ARFGEF1: variants seen among roughly 807,000 people sequenced by gnomAD.
The protein encoded by ARFGEF1 is brefeldin A-inhibited guanine nucleotide-exchange protein 1.
In ARFGEF1, 42 loss-of-function variants were observed where a neutral mutation model predicts 231.0. The observed-to-expected ratio is 0.18, with a 90% CI of 0.14 to 0.24. The LOEUF is 0.24. Among genes scored for constraint, ARFGEF1 ranks in the 10% least tolerant of loss-of-function variants. The pLI is 1.00. For synonymous variants in ARFGEF1, 710 were observed against 732.3 expected (o/e 0.97, Z 0.49); for missense variants, 1,345 against 2,192.0 (o/e 0.61, Z 7.72).
chr8:67,221,682 T>C (rs1410438902), intron 29 of ARFGEF1, among the ~76,000 whole-genome samples: 1 of 152,142 alleles, frequency 6.6e-6, no homozygotes, highest in Non-Finnish European at 1.5e-5. Context: ...AAATTTAAAG[T>C]AGCCTAAGTT....
intron 1 of ARFGEF1, among the ~76,000 whole-genome samples, chr8:67,318,105 C>T (rs371275173): frequency 1.3e-5 from 2 of 151,374 alleles, no homozygotes; most frequent in Non-Finnish European, 2.9e-5. Flanking sequence ...GGCGTGGTGG[C>T]GGGCGCCTAT....
chr8:67,191,507 C>T (rs1173830817), intron 5 of ARFGEF1, among the ~76,000 whole-genome samples: 1 of 152,178 alleles, frequency 6.6e-6, no homozygotes, highest in Non-Finnish European at 1.5e-5. Context: ...CTTTTCTGGA[C>T]ATTTCGTATA....
Position 67,226,061 on chromosome 8 carries a change from T to C in ARFGEF1, c.4039A>G (p.Ile1347Val), listed in dbSNP as rs1839361525. 1 of 1,612,722 alleles carries C rather than the reference T, an allele frequency of 6.2e-7. No homozygotes were observed. Among genetic ancestry groups the C allele is most frequent in the African/African-American group, 1.3e-5 (1 of 74,998 alleles). ...PDTSMEAIRL[I>V]RHCAKYVSDR... ...GACACATATTTTGCACAATGGCGAA[T>C]AAGTCGAATTGCTTCCATACTTGTG... The change falls in exon 28 of 39, where the codon ATT (isoleucine) becomes GTT (valine). Residue 1347 changes from isoleucine (I) to valine (V), a missense_variant. Coordinates refer to ENST00000262215, the MANE Select transcript of ARFGEF1 (RefSeq NM_006421.5).
chr8:67,315,878 A>G (rs1807288780), intron 1 of ARFGEF1, among the ~76,000 whole-genome samples: 1 of 152,118 alleles, frequency 6.6e-6, no homozygotes, highest in East Asian at 1.9e-4. Flanking sequence ...ACTTCATTAG[A>G]AAAAAGTCCC....
downstream of ARFGEF1, chr8:67,195,325 T>C: frequency 9.4e-7 from 1 of 1,069,414 alleles, no homozygotes; most frequent in South Asian, 1.3e-5. Flanking sequence ...GACCTGCGCT[T>C]ATGTCTCCTG....
rs1048538847 is a variant in ARFGEF1 at position 67,230,622 on chromosome 8, T to C, written c.3380+2233A>G. ...AGGTGAAATATTCCAAAGTCTGAGG[T>C]GAGCCAGTTTATAGCTAGATCTGGT... On this transcript the variant is annotated intron_variant, in intron 23 of 38. Coordinates refer to ENST00000262215, the MANE Select transcript of ARFGEF1 (RefSeq NM_006421.5). Among the ~76,000 whole-genome samples the C allele has an allele frequency of 2.0e-5, 3 of 152,044 alleles. No homozygotes were observed. The East Asian group carries it at 5.8e-4, about 29-fold the overall frequency.
chr8:67,238,182 C>T (rs1284220027), intron 22 of ARFGEF1, among the ~76,000 whole-genome samples, 161 bp downstream of exon 22: 1 of 152,096 alleles, frequency 6.6e-6, no homozygotes, highest in Non-Finnish European at 1.5e-5. Context: ...CAAACCAGAC[C>T]AGGCAAAAAA....
chr8:67,340,787 G>C lies in ARFGEF1; in HGVS notation c.124+2377C>G, dbSNP rs553908322. Among the ~76,000 whole-genome samples the C allele has an allele frequency of 2.6e-5, 4 of 152,166 alleles. No homozygotes were observed. The South Asian group carries it at 8.3e-4, about 32-fold the overall frequency. ...CCTTCCCTGGATAGTCACATTCCTC[G>C]TAACAAGCTTCTATTGAGTATACAG... On this transcript the variant is annotated intron_variant, in intron 1 of 38. Transcript: ENST00000262215.
At chr8:67,178,956 G>A (rs761585984) in intron 5 of ARFGEF1, among the ~76,000 whole-genome samples, 3 of 152,202 alleles carry the variant, frequency 2.0e-5, no homozygotes, top group Non-Finnish European at 2.9e-5. Flanking sequence ...CATTTTGACT[G>A]AGTGGGACAG....
At chr8:67,266,278 T>C (rs1192653936) in intron 13 of ARFGEF1, 71 bp from the exon 14 acceptor site, 2 of 1,265,220 alleles carry the variant, frequency 1.6e-6, no homozygotes, top group East Asian at 2.5e-5. Context: ...GCAAACAAAT[T>C]CTTGAATAAG....
intron 15 of ARFGEF1, among the ~76,000 whole-genome samples, chr8:67,258,854 C>CA (rs71249428): frequency 6.7e-6 from 1 of 149,798 alleles, no homozygotes; most frequent in African/African-American, 2.5e-5. Context: ...CACACACACA[C>CA]CAGTCATCAC....
chr8:67,236,097 T>A (rs1349647928), intron 22 of ARFGEF1, among the ~76,000 whole-genome samples: 1 of 150,690 alleles, frequency 6.6e-6, no homozygotes, highest in Non-Finnish European at 1.5e-5. Flanking sequence ...GAGTTCAAGA[T>A]CAACCTGGCC....
chr8:67,311,896 A>G (rs545195752), intron 1 of ARFGEF1, among the ~76,000 whole-genome samples: 3 of 152,322 alleles, frequency 2.0e-5, no homozygotes, highest in Admixed American at 6.5e-5. Flanking sequence ...TGTACTAAGA[A>G]AAATTCTTCT....
At chr8:67,188,977 C>G (rs1454056156) in intron 5 of ARFGEF1, among the ~76,000 whole-genome samples, 1 of 152,204 alleles carries the variant, frequency 6.6e-6, no homozygotes, top group African/African-American at 2.4e-5. Context: ...AAGAGGCTTG[C>G]CGCCATCTTG....
intron 30 of ARFGEF1, among the ~76,000 whole-genome samples, 195 bp from the exon 31 acceptor site, chr8:67,218,333 C>T (rs539017859): frequency 1.3e-5 from 2 of 149,706 alleles, no homozygotes; most frequent in Non-Finnish European, 3.0e-5. Context: ...AATCTGATAT[C>T]TATTGCTCCT....
At chr8:67,249,151 T>A (rs1384542983) in intron 19 of ARFGEF1, among the ~76,000 whole-genome samples, 1 of 150,410 alleles carries the variant, frequency 6.6e-6, no homozygotes, top group Non-Finnish European at 1.5e-5. Context: ...ATATAAATAA[T>A]GTATATATAG....
At chr8:67,279,142 T>C (rs949804233) in intron 7 of ARFGEF1, among the ~76,000 whole-genome samples, 2 of 152,166 alleles carry the variant, frequency 1.3e-5, no homozygotes, top group Admixed American at 6.5e-5. Flanking sequence ...ATGTAAAGAT[T>C]GTGGAAAGAC....
At chr8:67,306,160 G>A (rs916995611) in intron 1 of ARFGEF1, among the ~76,000 whole-genome samples, 7 of 152,110 alleles carry the variant, frequency 4.6e-5, no homozygotes, top group African/African-American at 1.4e-4. Context: ...GTGCTTTGGG[G>A]GTATTAAGTA....
At chr8:67,192,934 A>G (rs181774692), downstream of ARFGEF1, among the ~76,000 whole-genome samples, 4 of 152,280 alleles carry the variant, frequency 2.6e-5, no homozygotes, top group East Asian at 3.9e-4. Flanking sequence ...TTTGTGTCCT[A>G]TAATTCTCAA....
Sources: allele counts gnomAD v4.1 joint callset (sites outside exome capture counted in the v4.1 genomes callset), GRCh38; gene constraint gnomAD v4.1.1; transcripts MANE v1.5; gene names NCBI Gene and HGNC (gene_info 2026-07-23, HGNC 2026-07-21).